PIK3R3: variants seen among roughly 807,000 people sequenced by gnomAD.
PIK3R3 encodes phosphatidylinositol 3-kinase regulatory subunit gamma.
In PIK3R3, 64 loss-of-function variants were observed where a neutral mutation model predicts 62.9. The ratio of observed to expected loss-of-function variants is 1.02; its 90% CI spans 0.83 to 1.25. The LOEUF (loss-of-function observed/expected upper bound fraction) is 1.25, where lower values mean the gene tolerates loss of function less well. Ranked by LOEUF, PIK3R3 falls within the 50% of genes most tolerant of loss-of-function variation. PIK3R3 has a pLI of 0.00. For missense variants in PIK3R3, 614 were observed against 561.6 expected, an observed-to-expected ratio of 1.09 and a Z score of -0.94; for synonymous variants, 165 against 189.0, an observed-to-expected ratio of 0.87 and a Z score of 1.04.
At position 46,121,076 on chromosome 1, in the gene PIK3R3, C is replaced by T. The variant is rs200094634; in HGVS notation, c.106+10771G>A. Among the ~76,000 whole-genome samples the T allele has an allele frequency of 1.1e-4, 16 of 152,236 alleles. No individual in the cohort carries two copies. In the East Asian group the frequency reaches 3.1e-3, roughly 29 times the overall value. On this transcript the variant is annotated intron_variant, in intron 1 of 9. Coordinates refer to ENST00000262741, the MANE Select transcript of PIK3R3 (RefSeq NM_003629.4). ...GATGGCAGAATTGAGCAATATATGG[C>T]TAAGCAAAATATGGGTTTATACTGA...
rs763474731 is a variant in PIK3R3, at chr1:46,061,925, T to A, written c.764+4A>T. On this transcript the variant is annotated splice_donor_region_variant and intron_variant, in intron 6 of 9. Coordinates refer to ENST00000262741, the MANE Select transcript of PIK3R3 (RefSeq NM_003629.4). ...ATGCCCTTGGAGGTACTAAGTAGAC[T>A]TACCGTTCAATCTCCTTTTCATTCC... 6.2e-7 allele frequency: 1 copy of A among 1,612,340 alleles called. No individual in the cohort carries two copies. The highest frequency in any genetic ancestry group is 8.5e-7 in the Non-Finnish European group (1 of 1,178,516).
chr1:46,096,090 A>T (rs538795605), intron 1 of PIK3R3, among the ~76,000 whole-genome samples: 1 of 152,272 alleles, frequency 6.6e-6, no homozygotes, highest in African/African-American at 2.4e-5. Flanking sequence ...GACACAATGG[A>T]TTAATTATAT....
chr1:46,048,161 T>A (rs1341465325), intron 7 of PIK3R3: 1 of 152,244 alleles, frequency 6.6e-6, no homozygotes, highest in Admixed American at 6.5e-5. Flanking sequence ...GTCCTGTTCA[T>A]GGCTATGTTG....
chr1:46,108,864 A>C (rs1384984495), intron 1 of PIK3R3, among the ~76,000 whole-genome samples: 1 of 152,218 alleles, frequency 6.6e-6, no homozygotes, highest in African/African-American at 2.4e-5. Flanking sequence ...ATCTTCAAAA[A>C]AATTATGTTT....
chr1:46,049,722 T>A (rs910561350), intron 7 of PIK3R3, among the ~76,000 whole-genome samples: 1 of 152,112 alleles, frequency 6.6e-6, no homozygotes, highest in Non-Finnish European at 1.5e-5. Flanking sequence ...TCTTACATGA[T>A]CCAAGTGTCA....
At chr1:46,114,832 C>T (rs1488978160) in intron 1 of PIK3R3, among the ~76,000 whole-genome samples, 1 of 126,826 alleles carries the variant, frequency 7.9e-6, no homozygotes, top group African/African-American at 3.1e-5. Context: ...CCAGGCTGAT[C>T]TTGAATTCCT....
At position 46,099,154 on chromosome 1, in the gene PIK3R3, TATATC is replaced by T. The variant is rs563516537; in HGVS notation, c.107-18409_107-18405del. ...AAAGGTGGATATATGGCATGTGAAT[TATATC>T]ATAACAGAAAAAGTAGTCAAAGGTA... On this transcript the variant is annotated intron_variant, in intron 1 of 9. Transcript: ENST00000262741. 1.6e-4 allele frequency among the ~76,000 whole-genome samples: 25 copies of T among 152,346 alleles called. No homozygotes were observed. In the East Asian group the frequency reaches 4.6e-3, roughly 28 times the overall value.
At chr1:46,145,406 A>ATTC in the PIK3R3 span, among the ~76,000 whole-genome samples, 1 of 151,940 alleles carries the variant, frequency 6.6e-6, no homozygotes, top group South Asian at 2.1e-4. Flanking sequence ...TTGACTCATG[A>ATTC]TTCTGTTGGC....
At chr1:46,115,021 T>C (rs1023899037) in intron 1 of PIK3R3, among the ~76,000 whole-genome samples, 7 of 152,138 alleles carry the variant, frequency 4.6e-5, no homozygotes, top group African/African-American at 1.7e-4. Context: ...ACAGTGATCC[T>C]TTGGAGCACA....
chr1:46,170,648 T>C, the PIK3R3 span, among the ~76,000 whole-genome samples: 137 of 152,352 alleles, frequency 9.0e-4, 1 homozygote, highest in Admixed American at 5.2e-4. Flanking sequence ...CTCAAACTCC[T>C]GACCTCAGGT....
intron 6 of PIK3R3, among the ~76,000 whole-genome samples, chr1:46,057,600 CTTG>C (rs990465641): frequency 2.6e-5 from 4 of 152,130 alleles, no homozygotes; most frequent in African/African-American, 4.8e-5. Flanking sequence ...AGATGAGGAA[CTTG>C]TTGTGAACTG....
the PIK3R3 span, among the ~76,000 whole-genome samples, chr1:46,141,386 T>G: frequency 1.1e-4 from 17 of 152,144 alleles, no homozygotes; most frequent in Non-Finnish European, 2.9e-5. Context: ...ATTCATTGCC[T>G]CAGCCTCCCG....
At position 46,051,912 on chromosome 1, in the gene PIK3R3, C is replaced by T. The variant is rs760154798; in HGVS notation, c.941+3883G>A. Among the ~76,000 whole-genome samples, 123 of 151,864 alleles carry T rather than the reference C, an allele frequency of 8.1e-4. 1 individual carries two copies. Among genetic ancestry groups the T allele is most frequent in the Non-Finnish European group, 1.0e-3 (69 of 67,988 alleles). On this transcript the variant is annotated intron_variant, in intron 7 of 9. Coordinates refer to ENST00000262741, the MANE Select transcript of PIK3R3 (RefSeq NM_003629.4). ...ATACACTTTGGGAGGCCGAGGCAGG[C>T]GGATCACAAGGTCAGGAGATTGAGA... is the stretch of plus-strand genomic sequence containing the variant.
chr1:46,053,580 G>A (rs575839982), intron 7 of PIK3R3, among the ~76,000 whole-genome samples: 1 of 152,156 alleles, frequency 6.6e-6, no homozygotes, highest in East Asian at 1.9e-4. Flanking sequence ...CCTTCTACCA[G>A]GACATAGGTA....
At chr1:46,087,193 C>T (rs1651145010) in intron 1 of PIK3R3, among the ~76,000 whole-genome samples, 1 of 151,820 alleles carries the variant, frequency 6.6e-6, no homozygotes, top group Non-Finnish European at 1.5e-5. Flanking sequence ...TGCAGCACAC[C>T]AACATGGCAC....
chr1:46,147,911 CA>C, the PIK3R3 span, among the ~76,000 whole-genome samples: 18 of 150,472 alleles, frequency 1.2e-4, no homozygotes, highest in East Asian at 2.5e-3. Context: ...ATTGAACTCT[CA>C]AAAAAAAAGG....
chr1:46,135,724 AT>A (rs1260727991), upstream of PIK3R3, among the ~76,000 whole-genome samples: 1 of 152,082 alleles, frequency 6.6e-6, no homozygotes, highest in Non-Finnish European at 1.5e-5. Context: ...AGCGCACAAT[AT>A]TTTTTTAAAA....
chr1:46,103,022 A>G (rs1652852450), intron 1 of PIK3R3, among the ~76,000 whole-genome samples: 1 of 152,178 alleles, frequency 6.6e-6, no homozygotes, highest in Non-Finnish European at 1.5e-5. Flanking sequence ...ATATGCTACA[A>G]TATAACTGAA....
chr1:46,055,753 G>A (rs1273319100), intron 7 of PIK3R3, 42 bp downstream of exon 7: 1 of 1,300,822 alleles, frequency 7.7e-7, no homozygotes, highest in Non-Finnish European at 1.1e-6. Context: ...GTAGTAACCT[G>A]GCACTAACGT....
Sources: allele counts gnomAD v4.1 joint callset (sites outside exome capture counted in the v4.1 genomes callset), GRCh38; gene constraint gnomAD v4.1.1; transcripts MANE v1.5; gene names NCBI Gene and HGNC (gene_info 2026-07-23, HGNC 2026-07-21).